The following PLXNA4 variants were observed in gnomAD, a reference collection of about 807,000 sequenced individuals.
The protein encoded by PLXNA4 is plexin-A4.
Under a neutral mutation model 191.8 loss-of-function variants are expected in PLXNA4, and 44 were observed. That is an observed-to-expected ratio of 0.23 (90% confidence interval 0.18 to 0.29). The LOEUF (loss-of-function observed/expected upper bound fraction) is 0.29, where lower values mean the gene tolerates loss of function less well. Ranked by LOEUF, PLXNA4 falls within the 10% of genes least tolerant of loss-of-function variation. PLXNA4 has a pLI of 1.00. For missense variants in PLXNA4, 1,800 were observed against 2,488.8 expected (o/e 0.72, Z 5.89); for synonymous variants, 1,082 against 1,009.5 (o/e 1.07, Z -1.36).
intron 24 of PLXNA4, among the ~76,000 whole-genome samples, chr7:132,160,657 C>T (rs1795922825): frequency 6.6e-6 from 1 of 152,142 alleles, no homozygotes. Flanking sequence ...CTTCTGGGCT[C>T]CCGAACTCTC....
At chr7:132,445,770 A>G (rs1377326782) in intron 3 of PLXNA4, among the ~76,000 whole-genome samples, 2 of 152,214 alleles carry the variant, frequency 1.3e-5, no homozygotes, top group African/African-American at 4.8e-5. Context: ...GATGGAAGGC[A>G]GGGTGGGATG....
At chr7:132,442,346 C>T (rs990993623) in intron 3 of PLXNA4, among the ~76,000 whole-genome samples, 1 of 152,100 alleles carries the variant, frequency 6.6e-6, no homozygotes, top group African/African-American at 2.4e-5. Context: ...CTGCTTGATG[C>T]CAGCAAGCAC....
intron 4 of PLXNA4, among the ~76,000 whole-genome samples, chr7:132,243,811 C>A (rs1395756808): frequency 6.6e-6 from 1 of 152,136 alleles, no homozygotes; most frequent in Non-Finnish European, 1.5e-5. Flanking sequence ...TGTACTGTCA[C>A]TTACCTCTCC....
Position 132,202,743 on chromosome 7 carries a change from C to T in PLXNA4, c.2489G>A (p.Gly830Asp). 1 of 1,611,674 alleles carries T rather than the reference C, an allele frequency of 6.2e-7. No homozygotes were observed. The highest frequency in any genetic ancestry group is 8.5e-7 in the Non-Finnish European group (1 of 1,178,998). The change falls in exon 12 of 32, where the codon GGC (glycine) becomes GAC (aspartate). Residue 830 changes from glycine (G) to aspartate (D), a missense_variant. By Grantham distance (94) the Gly-to-Asp change is moderately conservative. Transcript: ENST00000321063. ...DFACGWCQGP[G>D]QCTLRQHCPA... Reference sequence around the variant, plus strand: ...GCAGTGCTGGCGCAGGGTGCACTGGCCTGGGCCCTGGCACCAGCCACATGC... The same window carrying T: ...GCAGTGCTGGCGCAGGGTGCACTGGTCTGGGCCCTGGCACCAGCCACATGC...
chr7:132,280,598 C>T (rs1336715251), intron 4 of PLXNA4, among the ~76,000 whole-genome samples: 1 of 152,178 alleles, frequency 6.6e-6, no homozygotes, highest in African/African-American at 2.4e-5. Context: ...GAGAATCTTC[C>T]ATCTGTTCTT....
intron 31 of PLXNA4, among the ~76,000 whole-genome samples, chr7:132,131,577 A>T (rs1794927860): frequency 6.6e-6 from 1 of 152,220 alleles, no homozygotes; most frequent in Admixed American, 6.5e-5. Context: ...GACCCAGTTA[A>T]TGTTTCTTTA....
intron 3 of PLXNA4, among the ~76,000 whole-genome samples, chr7:132,369,141 C>T (rs998223485): frequency 1.3e-5 from 2 of 152,190 alleles, no homozygotes; most frequent in African/African-American, 4.8e-5. Flanking sequence ...ATCCCTAACG[C>T]CTCTGCCATT....
intron 9 of PLXNA4, among the ~76,000 whole-genome samples, chr7:132,217,380 T>TG (rs980568425): frequency 5.9e-5 from 9 of 152,206 alleles, no homozygotes; most frequent in African/African-American, 2.2e-4. Context: ...GCCTACAGAC[T>TG]GGGGGGATAG....
rs1328642888 is a variant in PLXNA4 at position 132,563,138 on chromosome 7, TCTC to T, written c.-87+13281_-87+13283del. The stretch of plus-strand genomic sequence containing the variant: ...TCCTCCTCCTTCTCCTCCTCCTCCT[TCTC>T]CTCTTCCTCCTTCTCCTCCTCCTCC... On this transcript the variant is annotated intron_variant, in intron 1 of 31. Transcript: ENST00000321063. 1.3e-3 allele frequency among the ~76,000 whole-genome samples: 58 copies of T among 45,352 alleles called. 1 individual carries two copies. The highest frequency in any genetic ancestry group is 9.2e-3 in the South Asian group (6 of 652). 29.8% of individuals were successfully genotyped at this position (45,352 alleles called of 152,430 possible).
chr7:132,371,640 C>A lies in PLXNA4; in HGVS notation c.1372-73418G>T, dbSNP rs79546457. ...GGGAAGCAGCCACTTGGGAGGGAGC[C>A]TTAAACTCGAGTGGGGACGGAGACA... On this transcript the variant is annotated intron_variant, in intron 3 of 31. Coordinates refer to ENST00000321063, the MANE Select transcript of PLXNA4 (RefSeq NM_020911.2). Among the ~76,000 whole-genome samples the A allele has an allele frequency of 6.7e-3, 1,013 of 152,264 alleles. 18 individuals carry two copies. Among genetic ancestry groups the A allele is most frequent in the African/African-American group, 0.023 (969 of 41,548 alleles).
At chr7:132,179,257 C>T (rs1190930344) in intron 20 of PLXNA4, among the ~76,000 whole-genome samples, 1 of 150,666 alleles carries the variant, frequency 6.6e-6, no homozygotes, top group Non-Finnish European at 1.5e-5. Context: ...GCCTCCAGCA[C>T]TGCTCACAGT....
chr7:132,190,320 T>C (rs985137882), intron 14 of PLXNA4, among the ~76,000 whole-genome samples: 2 of 152,248 alleles, frequency 1.3e-5, no homozygotes, highest in Non-Finnish European at 2.9e-5. Flanking sequence ...GACTGGACCC[T>C]TCCTGAGGGC....
intron 2 of PLXNA4, among the ~76,000 whole-genome samples, chr7:132,630,148 C>T (rs1188658978): frequency 1.3e-5 from 2 of 152,162 alleles, no homozygotes; most frequent in Non-Finnish European, 2.9e-5. Context: ...CCTCACCCGG[C>T]CTGGTGTCTC....
chr7:132,483,942 T>G (rs905599271), intron 3 of PLXNA4, among the ~76,000 whole-genome samples: 1 of 152,180 alleles, frequency 6.6e-6, no homozygotes, highest in Non-Finnish European at 1.5e-5. Context: ...CCCGGGTTTA[T>G]TCAGGTCAGC....
At chr7:132,368,383 C>T (rs924664977) in intron 3 of PLXNA4, among the ~76,000 whole-genome samples, 44 of 152,168 alleles carry the variant, frequency 2.9e-4, no homozygotes, top group African/African-American at 9.7e-4. Context: ...GCTGCACCCA[C>T]ACAGATCCTG....
rs568415695 is a variant in PLXNA4, at chr7:132,211,250, C to T, written c.2098-107G>A. 2.2e-4 allele frequency: 263 copies of T among 1,214,298 alleles called. 3 individuals carry two copies. The South Asian group carries it at 3.4e-3, about 15-fold the overall frequency. 75.2% of individuals were successfully genotyped at this position (1,214,298 alleles called of 1,614,324 possible). ...CCCTGTCTCCACCCTTCCATGGACACACCCACAGGCGACCCCTGAGGTGCT... is the reference window on the plus strand; with the variant it reads ...CCCTGTCTCCACCCTTCCATGGACATACCCACAGGCGACCCCTGAGGTGCT... On this transcript the variant is annotated intron_variant, in intron 9 of 31. Coordinates refer to ENST00000321063, the MANE Select transcript of PLXNA4 (RefSeq NM_020911.2).
chr7:132,418,987 G>A (rs1308841486), intron 3 of PLXNA4, among the ~76,000 whole-genome samples: 1 of 152,094 alleles, frequency 6.6e-6, no homozygotes, highest in Non-Finnish European at 1.5e-5. Flanking sequence ...GAGCCTTCTG[G>A]GATCTCACTT....
Position 132,218,735 on chromosome 7 carries a change from G to A in PLXNA4, c.2097+4792C>T, listed in dbSNP as rs73723746. Among the ~76,000 whole-genome samples, 1,242 of 152,284 alleles carry A rather than the reference G, an allele frequency of 8.2e-3. 22 individuals are homozygous for A. Among genetic ancestry groups the A allele is most frequent in the African/African-American group, 0.028 (1,175 of 41,536 alleles). On this transcript the variant is annotated intron_variant, in intron 9 of 31. Transcript: ENST00000321063. ...CATGGCTTTGTTAATGGCTACCCAA[G>A]GCTCTGGCAGCTGATCTGAAGGCCC...
intron 9 of PLXNA4, among the ~76,000 whole-genome samples, chr7:132,214,782 G>T (rs1195929316): frequency 1.3e-5 from 2 of 152,126 alleles, no homozygotes; most frequent in African/African-American, 4.8e-5. Flanking sequence ...TCCTGTAACT[G>T]TGAGAACAAG....
Sources: gnomAD v4.1 joint callset for allele counts (sites outside exome capture counted in the v4.1 genomes callset) on GRCh38, gnomAD v4.1.1 for gene constraint, MANE v1.5 for transcripts, NCBI Gene and HGNC (gene_info 2026-07-23, HGNC 2026-07-21) for gene names.